The following LMX1A variants were observed in gnomAD, a reference collection of about 807,000 sequenced individuals.
LMX1A encodes LIM homeobox transcription factor 1 alpha, also known as LIM homeobox transcription factor 1-alpha.
LMX1A carries 15 observed loss-of-function variants against 49.1 expected under a neutral mutation model. The observed-to-expected ratio is 0.31, with a 90% confidence interval of 0.20 to 0.47. The LOEUF is 0.47. Among genes scored for constraint, LMX1A ranks in the 20% least tolerant of loss-of-function variants. LMX1A has a pLI of 1.00. For synonymous variants in LMX1A, 167 were observed against 185.7 expected (o/e 0.90, Z 0.82); for missense variants, 372 against 475.8 (o/e 0.78, Z 2.03).
At chr1:165,312,548 C>A (rs536544437) in intron 3 of LMX1A, among the ~76,000 whole-genome samples, 2 of 152,188 alleles carry the variant, frequency 1.3e-5, no homozygotes, top group African/African-American at 4.8e-5. Flanking sequence ...GTAGGTTCCA[C>A]TTCCTGTCTC....
chr1:165,267,024 A>T (rs1270082553), intron 3 of LMX1A, among the ~76,000 whole-genome samples: 1 of 151,558 alleles, frequency 6.6e-6, no homozygotes, highest in African/African-American at 2.4e-5. Context: ...GGAGAAATTC[A>T]TAGATTTCAA....
chr1:165,212,593 T>G (rs1210615899), intron 5 of LMX1A, among the ~76,000 whole-genome samples: 2 of 152,130 alleles, frequency 1.3e-5, no homozygotes, highest in Non-Finnish European at 2.9e-5. Context: ...TTTTTCAAAA[T>G]GTATTTCCTT....
At chr1:165,330,310 C>T (rs1655709322) in intron 3 of LMX1A, among the ~76,000 whole-genome samples, 1 of 152,128 alleles carries the variant, frequency 6.6e-6, no homozygotes, top group Non-Finnish European at 1.5e-5. Flanking sequence ...CCTGTCCCTA[C>T]AAAAAATTTC....
chr1:165,214,818 A>C (rs914826936), intron 4 of LMX1A, among the ~76,000 whole-genome samples: 1 of 152,244 alleles, frequency 6.6e-6, no homozygotes, highest in African/African-American at 2.4e-5. Flanking sequence ...TGTTAAAGTA[A>C]TTGTCTAACT....
intron 3 of LMX1A, among the ~76,000 whole-genome samples, chr1:165,293,997 A>C (rs2101718227): frequency 6.6e-6 from 1 of 152,370 alleles, no homozygotes; most frequent in East Asian, 1.9e-4. Flanking sequence ...ACTGATCTTC[A>C]TTAGAGCCCT....
chr1:165,337,907 T>TGTGTGTGTGTGTGTGTGTGTGTG (rs1553213782), intron 3 of LMX1A, among the ~76,000 whole-genome samples: 24 of 151,614 alleles, frequency 1.6e-4, no homozygotes, highest in Middle Eastern at 6.8e-3. Flanking sequence ...TGTGTGTGTG[T>TGTGTGTGTGTGTGTGTGTGTGTG]TACTACCCCA....
At chr1:165,352,124 A>C (rs980598405) in intron 3 of LMX1A, among the ~76,000 whole-genome samples, 3 of 152,236 alleles carry the variant, frequency 2.0e-5, no homozygotes, top group Non-Finnish European at 4.4e-5. Context: ...CGCAAGGAAA[A>C]AACCGTTCCC....
intron 3 of LMX1A, among the ~76,000 whole-genome samples, chr1:165,344,981 G>A (rs561885400): frequency 2.0e-5 from 3 of 152,172 alleles, no homozygotes; most frequent in African/African-American, 4.8e-5. Context: ...AGACATATTC[G>A]GACCCTCCTG....
At chr1:165,310,095 A>G (rs920584399) in intron 3 of LMX1A, among the ~76,000 whole-genome samples, 2 of 152,186 alleles carry the variant, frequency 1.3e-5, no homozygotes, top group African/African-American at 4.8e-5. Context: ...TTCATTTCAC[A>G]GAGTTTCAGT....
chr1:165,297,266 C>A (rs117456701), intron 3 of LMX1A, among the ~76,000 whole-genome samples: 14 of 152,228 alleles, frequency 9.2e-5, no homozygotes, highest in Non-Finnish European at 1.6e-4. Context: ...CCTAGCAGCA[C>A]ATTAGAATAA....
intron 3 of LMX1A, among the ~76,000 whole-genome samples, chr1:165,296,458 T>A (rs1571208105): frequency 2.0e-5 from 3 of 152,370 alleles, no homozygotes; most frequent in Admixed American, 2.0e-4. Flanking sequence ...CTGCAAAGTG[T>A]TCTGTGTGCC....
intron 3 of LMX1A, among the ~76,000 whole-genome samples, chr1:165,310,144 T>C (rs539711586): frequency 6.6e-6 from 1 of 152,338 alleles, no homozygotes; most frequent in South Asian, 2.1e-4. Context: ...CTTGATAGTT[T>C]TGTAAAGGCA....
intron 7 of LMX1A, 86 bp downstream of exon 7, chr1:165,207,977 C>A: frequency 8.8e-7 from 1 of 1,141,446 alleles, no homozygotes; most frequent in South Asian, 1.4e-5. Context: ...CCAGATATGT[C>A]ATCCAAAGAG....
At chr1:165,275,634 A>G (rs1363600304) in intron 3 of LMX1A, among the ~76,000 whole-genome samples, 1 of 152,170 alleles carries the variant, frequency 6.6e-6, no homozygotes, top group Non-Finnish European at 1.5e-5. Context: ...TAGCAAATCA[A>G]TTCATCAAAC....
At chr1:165,286,474 G>A (rs1264560499) in intron 3 of LMX1A, among the ~76,000 whole-genome samples, 1 of 152,154 alleles carries the variant, frequency 6.6e-6, no homozygotes, top group Non-Finnish European at 1.5e-5. Flanking sequence ...ACAGGTTTCA[G>A]AACCAGAATC....
intron 3 of LMX1A, among the ~76,000 whole-genome samples, chr1:165,269,625 C>G (rs1403775360): frequency 6.6e-6 from 1 of 152,134 alleles, no homozygotes; most frequent in Non-Finnish European, 1.5e-5. Flanking sequence ...TTCACAATAG[C>G]AAAGACATGG....
chr1:165,349,051 C>T (rs1656336216), intron 3 of LMX1A, among the ~76,000 whole-genome samples: 2 of 152,218 alleles, frequency 1.3e-5, no homozygotes, highest in South Asian at 4.1e-4. Context: ...CTATCCCACA[C>T]TGCTCCTAGG....
intron 3 of LMX1A, among the ~76,000 whole-genome samples, chr1:165,334,872 C>G (rs529857901): frequency 6.6e-6 from 1 of 152,132 alleles, no homozygotes; most frequent in Non-Finnish European, 1.5e-5. Context: ...TGCCTGGGAG[C>G]TATAGCCCAA....
At chr1:165,240,659 G>A (rs934243592) in intron 4 of LMX1A, among the ~76,000 whole-genome samples, 2 of 152,216 alleles carry the variant, frequency 1.3e-5, no homozygotes, top group Non-Finnish European at 2.9e-5. Context: ...ATGTAACAGA[G>A]TAATGCTAGC....
Sources: gnomAD v4.1 joint callset for allele counts (sites outside exome capture counted in the v4.1 genomes callset) on GRCh38, gnomAD v4.1.1 for gene constraint, MANE v1.5 for transcripts, NCBI Gene and HGNC (gene_info 2026-07-23, HGNC 2026-07-21) for gene names.